The following GRB14 variants were observed in gnomAD, a reference collection of about 807,000 sequenced individuals.
GRB14 encodes growth factor receptor bound protein 14.
Under a neutral mutation model 69.1 loss-of-function variants are expected in GRB14, and 38 were observed. The ratio of observed to expected loss-of-function variants is 0.55; its 90% confidence interval spans 0.42 to 0.72. The LOEUF (loss-of-function observed/expected upper bound fraction) is 0.72, where lower values mean the gene tolerates loss of function less well. GRB14 is among the 30% of genes least tolerant of loss of function. The probability of loss-of-function intolerance (pLI) is 0.00; values close to 1 mark genes in which losing one functional copy is unlikely to be tolerated. For synonymous variants in GRB14, 247 were observed against 241.3 expected, an observed-to-expected ratio of 1.02 and a Z score of -0.22; for missense variants, 666 against 666.1, an observed-to-expected ratio of 1.00 and a Z score of 0.00.
chr2:164,615,353 C>A (rs780436034), intron 2 of GRB14, among the ~76,000 whole-genome samples: 2 of 152,096 alleles, frequency 1.3e-5, no homozygotes, highest in Non-Finnish European at 2.9e-5. Context: ...GAAGAAAAAA[C>A]GTAGTTACAT....
intron 2 of GRB14, among the ~76,000 whole-genome samples, chr2:164,550,183 T>G (rs1387969529): frequency 6.6e-6 from 1 of 152,174 alleles, no homozygotes; most frequent in African/African-American, 2.4e-5. Context: ...TATAGAATGT[T>G]ACACTTCCTG....
chr2:164,539,459 C>T (rs775962036), intron 3 of GRB14, among the ~76,000 whole-genome samples: 11 of 135,120 alleles, frequency 8.1e-5, no homozygotes, highest in South Asian at 2.4e-4. Flanking sequence ...GGGCGACAGA[C>T]GGCGACTCCA....
At chr2:164,494,315 A>G in intron 13 of GRB14, 116 bp downstream of exon 13, 1 of 633,832 alleles carries the variant, frequency 1.6e-6, no homozygotes, top group Non-Finnish European at 2.8e-6. Flanking sequence ...GCCAAATTAT[A>G]TTTAATAAAA....
intron 2 of GRB14, among the ~76,000 whole-genome samples, chr2:164,556,461 A>G (rs549870763): frequency 1.6e-4 from 24 of 152,306 alleles, no homozygotes; most frequent in African/African-American, 5.3e-4. Context: ...CAGAATTACA[A>G]GGATTGACAC....
chr2:164,583,991 C>CT lies in GRB14; in HGVS notation c.324+35695dup, dbSNP rs373813114. ...ATTATGCAGAATTTAGAATGCATTG[C>CT]TTTTTTTTTTTGGAGACAGAGTCTT... is the stretch of plus-strand genomic sequence containing the variant. On this transcript the variant is annotated intron_variant, in intron 2 of 13. Transcript: ENST00000263915. 8.0e-4 allele frequency among the ~76,000 whole-genome samples: 114 copies of CT among 142,366 alleles called. 1 individual carries two copies. Among genetic ancestry groups the CT allele is most frequent in the Middle Eastern group, 3.6e-3 (1 of 280 alleles). The allele number at this position is 142,366 out of a possible 152,430, so 93.4% of individuals were successfully genotyped here. A position where few individuals can be genotyped will look rare whatever the true frequency, so the allele number is the denominator to read the frequency against.
intron 2 of GRB14, among the ~76,000 whole-genome samples, chr2:164,573,536 T>C (rs1205804194): frequency 6.6e-6 from 1 of 152,194 alleles, no homozygotes; most frequent in Non-Finnish European, 1.5e-5. Flanking sequence ...TGAATCAATT[T>C]TATTCCAATT....
rs1688491311 is a variant in GRB14, at chr2:164,549,919, A to G, written c.325-2103T>C. 2.1e-5 allele frequency among the ~76,000 whole-genome samples: 3 copies of G among 141,346 alleles called. No homozygotes were observed. The South Asian group carries it at 6.4e-4, about 30-fold the overall frequency. The allele number at this position is 141,346 out of a possible 152,430, so 92.7% of individuals were successfully genotyped here. A position where few individuals can be genotyped will look rare whatever the true frequency, so the allele number is the denominator to read the frequency against. Reference sequence around the variant, plus strand: ...AAAATAAAATAAAATAAAATAAAATAAAATAAAATAAAATAAAATTTCATA... The same window carrying G: ...AAAATAAAATAAAATAAAATAAAATGAAATAAAATAAAATAAAATTTCATA... On this transcript the variant is annotated intron_variant, in intron 2 of 13. Transcript: ENST00000263915.
intron 2 of GRB14, among the ~76,000 whole-genome samples, chr2:164,554,865 C>A (rs1688639201): frequency 1.3e-5 from 2 of 151,464 alleles, no homozygotes; most frequent in Admixed American, 1.3e-4. Context: ...CTAACACAAC[C>A]CATTTTTAGA....
intron 5 of GRB14, among the ~76,000 whole-genome samples, chr2:164,522,903 G>A (rs1182417050): frequency 6.6e-6 from 1 of 152,066 alleles, no homozygotes; most frequent in Admixed American, 6.6e-5. Context: ...CCAATTCTAG[G>A]TGTGGCCCTT....
intron 2 of GRB14, among the ~76,000 whole-genome samples, chr2:164,570,291 A>G (rs1689096501): frequency 6.6e-6 from 1 of 151,364 alleles, no homozygotes; most frequent in Non-Finnish European, 1.5e-5. Context: ...AAAAAAAAAA[A>G]AAAAAAAAAG....
intron 3 of GRB14, 85 bp from the exon 4 acceptor site, chr2:164,527,220 T>TACACAC (rs1553509573): frequency 1.2e-5 from 2 of 173,622 alleles, no homozygotes; most frequent in African/African-American, 2.9e-5. Context: ...TATATATATA[T>TACACAC]ACACACACAG....
At chr2:164,599,732 T>C (rs1689869914) in intron 2 of GRB14, among the ~76,000 whole-genome samples, 1 of 152,240 alleles carries the variant, frequency 6.6e-6, no homozygotes, top group African/African-American at 2.4e-5. Context: ...ATGATGTGAA[T>C]GACATATATC....
intron 3 of GRB14, among the ~76,000 whole-genome samples, chr2:164,538,179 G>T (rs1169970741): frequency 6.6e-6 from 1 of 152,122 alleles, no homozygotes; most frequent in African/African-American, 2.4e-5. Context: ...ACTCCACAAT[G>T]ATATTCACAA....
At position 164,493,100 on chromosome 2, in the gene GRB14, T is replaced by C; in HGVS notation, c.1559A>G (p.Tyr520Cys). Residue 520 changes from tyrosine (Y) to cysteine (C), a missense_variant, in exon 14 of 14, where the codon TAT (tyrosine) becomes TGT (cysteine). Tyr to Cys is a radical substitution (Grantham distance 194). Coordinates refer to ENST00000263915, the MANE Select transcript of GRB14 (RefSeq NM_004490.3). ...AGGAAGAACGCCCTTATTGAGTTGATAGAACTCCACCAGCTGTATTAGATC... is the reference window on the plus strand; with the variant it reads ...AGGAAGAACGCCCTTATTGAGTTGACAGAACTCCACCAGCTGTATTAGATC... ...FTDLIQLVEF[Y>C]QLNKGVLPCK... The C allele has an allele frequency of 1.2e-6, 2 of 1,613,626 alleles. No individual in the cohort carries two copies. The highest frequency in any genetic ancestry group is 8.5e-7 in the Non-Finnish European group (1 of 1,179,636).
chr2:164,493,265 A>T (rs1686806900), intron 13 of GRB14, 83 bp from the exon 14 acceptor site: 3 of 1,268,456 alleles, frequency 2.4e-6, no homozygotes, highest in South Asian at 1.4e-5. Flanking sequence ...CTATCTCCAC[A>T]TGCCAAAACT....
At chr2:164,562,240 A>G (rs1688847979) in intron 2 of GRB14, among the ~76,000 whole-genome samples, 1 of 152,204 alleles carries the variant, frequency 6.6e-6, no homozygotes, top group African/African-American at 2.4e-5. Flanking sequence ...TATCCCTTTC[A>G]AATATACAAC....
chr2:164,589,336 A>T (rs1689606277), intron 2 of GRB14, among the ~76,000 whole-genome samples: 1 of 152,198 alleles, frequency 6.6e-6, no homozygotes, highest in African/African-American at 2.4e-5. Flanking sequence ...AAAAGTTTTG[A>T]TATCCTATAT....
At chr2:164,607,062 A>G (rs1171141689) in intron 2 of GRB14, among the ~76,000 whole-genome samples, 1 of 152,190 alleles carries the variant, frequency 6.6e-6, no homozygotes, top group Non-Finnish European at 1.5e-5. Context: ...CAAATTTAGA[A>G]TGTGCTTATA....
chr2:164,587,064 T>A (rs1016442648), intron 2 of GRB14, among the ~76,000 whole-genome samples: 3 of 152,196 alleles, frequency 2.0e-5, no homozygotes, highest in Admixed American at 6.5e-5. Flanking sequence ...GACAATTTTT[T>A]AACATATTTT....
Sources: gnomAD v4.1 joint callset for allele counts (sites outside exome capture counted in the v4.1 genomes callset) on GRCh38, gnomAD v4.1.1 for gene constraint, MANE v1.5 for transcripts, NCBI Gene and HGNC (gene_info 2026-07-23, HGNC 2026-07-21) for gene names.